Variants in PRKN observed in about 807,000 individuals in gnomAD.
The protein encoded by PRKN is E3 ubiquitin-protein ligase parkin.
A neutral mutation model predicts 59.5 loss-of-function variants in PRKN; 56 were observed. That is an observed-to-expected ratio of 0.94 (90% CI 0.76 to 1.18). The LOEUF (loss-of-function observed/expected upper bound fraction) is 1.18. Among genes scored for constraint, PRKN ranks in the 50% most tolerant of loss-of-function variants. The pLI, the probability that PRKN is intolerant of heterozygous loss-of-function variation, is 0.00. For synonymous variants in PRKN, 250 were observed against 222.1 expected (o/e 1.13, Z -1.12); for missense variants, 657 against 596.4 (o/e 1.10, Z -1.06).
chr6:162,240,769 A>G (rs967991511), intron 3 of PRKN, among the ~76,000 whole-genome samples: 3 of 152,166 alleles, frequency 2.0e-5, no homozygotes, highest in African/African-American at 7.2e-5. Flanking sequence ...AAACTGAGAA[A>G]AGAGAGGGAA....
Position 161,579,861 on chromosome 6 carries a change from G to A in PRKN, c.872-10445C>T, listed in dbSNP as rs945146391. Among the ~76,000 whole-genome samples the A allele has an allele frequency of 6.6e-6, 1 of 152,080 alleles. No individual in the cohort carries two copies. Among genetic ancestry groups the A allele is most frequent in the Non-Finnish European group, 1.5e-5 (1 of 68,016 alleles). ...CTTTCCCTTGTCACTTTAGTTCTGT[G>A]CATTTGGTTTCTTTTATTCATCTTA... On this transcript the variant is annotated intron_variant, in intron 7 of 11. Transcript: ENST00000366898. This position sits in a 1 kb window ranked among gnomAD's most constrained non-coding sequence, Gnocchi z 4.2.
intron 7 of PRKN, among the ~76,000 whole-genome samples, chr6:161,719,644 TAA>T (rs2128184851): frequency 6.6e-6 from 1 of 152,310 alleles, no homozygotes; most frequent in South Asian, 2.1e-4. Context: ...CCCTCTTATA[TAA>T]GTCTTTTGTT....
At chr6:162,208,534 T>A (rs1785054809) in intron 3 of PRKN, among the ~76,000 whole-genome samples, 1 of 152,220 alleles carries the variant, frequency 6.6e-6, no homozygotes, top group Non-Finnish European at 1.5e-5. Flanking sequence ...CAATTTATTT[T>A]TTCATTTTTC....
At chr6:162,364,492 TAAAA>T (rs1373651814) in intron 2 of PRKN, among the ~76,000 whole-genome samples, 1 of 151,754 alleles carries the variant, frequency 6.6e-6, no homozygotes, top group Non-Finnish European at 1.5e-5. Flanking sequence ...ATAAATAAAA[TAAAA>T]GAAAGAAAGA....
At chr6:162,464,207 T>A (rs992809613) in intron 1 of PRKN, among the ~76,000 whole-genome samples, 2 of 152,190 alleles carry the variant, frequency 1.3e-5, no homozygotes, top group Non-Finnish European at 2.9e-5. Flanking sequence ...TAAAAGGCGA[T>A]TACTATTTTT....
At chr6:162,327,220 T>G (rs1433550194) in intron 2 of PRKN, among the ~76,000 whole-genome samples, 1 of 152,168 alleles carries the variant, frequency 6.6e-6, no homozygotes, top group Admixed American at 6.5e-5. Flanking sequence ...GAGAAAAATA[T>G]ATGAGGTGTG....
In PRKN at chr6:162,667,084, G is replaced by A. The variant is rs555721621; in HGVS notation, c.7+60578C>T. ...AAATTATCATTTGAAAGACATTCTT[G>A]ATAATACTACTAAGAACTGTCAAGC... On this transcript the variant is annotated intron_variant, in intron 1 of 11. Transcript: ENST00000366898. Among the ~76,000 whole-genome samples the A allele has an allele frequency of 3.9e-5, 6 of 152,182 alleles. No individual in the cohort carries two copies. The East Asian group carries it at 9.6e-4, about 24-fold the overall frequency.
intron 7 of PRKN, among the ~76,000 whole-genome samples, chr6:161,759,110 G>A (rs1789078373): frequency 6.6e-6 from 1 of 152,076 alleles, no homozygotes; most frequent in Non-Finnish European, 1.5e-5. Context: ...TCCAGAGGCA[G>A]AGGTTGCAGT....
chr6:162,112,322 G>A (rs1228380769), intron 4 of PRKN, among the ~76,000 whole-genome samples: 1 of 152,116 alleles, frequency 6.6e-6, no homozygotes. Context: ...CTATGAAACT[G>A]ATAATAATTT....
At chr6:162,021,463 T>TATA (rs1562466053) in intron 5 of PRKN, among the ~76,000 whole-genome samples, 742 of 26,780 alleles carry the variant, frequency 0.028, 3 homozygotes, top group African/African-American at 0.083. Context: ...ATATATATAT[T>TATA]TTTTTTTTTT....
chr6:162,098,701 C>G (rs1779845919), intron 4 of PRKN, among the ~76,000 whole-genome samples: 1 of 152,338 alleles, frequency 6.6e-6, no homozygotes. Flanking sequence ...ATTATTCCTA[C>G]TTATCCTGTA....
At chr6:162,340,703 T>C (rs1197239699) in intron 2 of PRKN, among the ~76,000 whole-genome samples, 1 of 152,100 alleles carries the variant, frequency 6.6e-6, no homozygotes, top group Non-Finnish European at 1.5e-5. Context: ...TAATAAACGG[T>C]GTTGGGAAAA....
intron 2 of PRKN, among the ~76,000 whole-genome samples, chr6:162,376,222 T>G (rs1786068173): frequency 6.6e-6 from 1 of 152,084 alleles, no homozygotes; most frequent in Non-Finnish European, 1.5e-5. Context: ...CGCACCCTTG[T>G]GTGAATAAGG....
chr6:162,514,917 G>C (rs1459961289), intron 1 of PRKN, among the ~76,000 whole-genome samples: 1 of 151,422 alleles, frequency 6.6e-6, no homozygotes, highest in Non-Finnish European at 1.5e-5. Flanking sequence ...TTTCTGATTT[G>C]TAATATTATA....
intron 7 of PRKN, among the ~76,000 whole-genome samples, chr6:161,611,597 T>C (rs1782491515): frequency 6.6e-6 from 1 of 152,218 alleles, no homozygotes; most frequent in Admixed American, 6.5e-5. Context: ...ACTGAACTGG[T>C]AAAGTGTTGT....
chr6:162,329,784 A>G (rs1783490122), intron 2 of PRKN, among the ~76,000 whole-genome samples: 1 of 152,202 alleles, frequency 6.6e-6, no homozygotes, highest in African/African-American at 2.4e-5. Flanking sequence ...AGAATAAAAT[A>G]AATCCTGTAA....
At chr6:162,292,661 A>AC (rs1781492848) in intron 2 of PRKN, among the ~76,000 whole-genome samples, 1 of 152,178 alleles carries the variant, frequency 6.6e-6, no homozygotes, top group Admixed American at 6.5e-5. Context: ...GAAGGTGGAT[A>AC]CCCACAGGAT....
chr6:161,527,731 C>T lies in PRKN; in HGVS notation c.1083+21123G>A, dbSNP rs540092380. Among the ~76,000 whole-genome samples, 1 of 152,236 alleles carries T rather than the reference C, an allele frequency of 6.6e-6. No individual in the cohort carries two copies. Among genetic ancestry groups the T allele is most frequent in the Non-Finnish European group, 1.5e-5 (1 of 68,046 alleles). On this transcript the variant is annotated intron_variant, in intron 9 of 11. Coordinates refer to ENST00000366898, the MANE Select transcript of PRKN (RefSeq NM_004562.3). The surrounding 1 kb of genome is among the most constrained non-coding windows in gnomAD (Gnocchi z 4.6). ...TATTCCTAGTCAGGCCAAGCTATTGCTAATCAGAACATTCTCCGGCTCTCC... is the reference window on the plus strand; with the variant it reads ...TATTCCTAGTCAGGCCAAGCTATTGTTAATCAGAACATTCTCCGGCTCTCC...
chr6:162,208,086 G>A (rs1474261164), intron 3 of PRKN, among the ~76,000 whole-genome samples: 5 of 152,288 alleles, frequency 3.3e-5, no homozygotes, highest in Admixed American at 3.3e-4. Context: ...AGGACTTGGT[G>A]TAACTGAATG....
Sources: gnomAD v4.1 joint callset for allele counts (sites outside exome capture counted in the v4.1 genomes callset) on GRCh38, gnomAD v4.1.1 for gene constraint, Gnocchi (gnomAD v3.1) non-coding constraint, MANE v1.5 for transcripts, NCBI Gene and HGNC (gene_info 2026-07-23, HGNC 2026-07-21) for gene names.